The following RBMS3 variants were observed in gnomAD, a reference collection of about 807,000 sequenced individuals.
RBMS3 encodes the protein RNA-binding motif, single-stranded-interacting protein 3.
In RBMS3, 27 loss-of-function variants were observed where a neutral mutation model predicts 66.8. The ratio of observed to expected loss-of-function variants is 0.40; its 90% CI spans 0.30 to 0.56. RBMS3 has a LOEUF of 0.56. RBMS3 is among the 20% of genes least tolerant of loss of function. The pLI is 0.40. For synonymous variants in RBMS3, 188 were observed against 183.0 expected (o/e 1.03, Z -0.22); for missense variants, 513 against 549.5 (o/e 0.93, Z 0.66).
intron 6 of RBMS3, among the ~76,000 whole-genome samples, chr3:29,837,663 C>CAT (rs3070797): frequency 0.039 from 2,637 of 67,052 alleles, 94 homozygotes; most frequent in Non-Finnish European, 0.045. Flanking sequence ...ATATAATGAA[C>CAT]ATATATATAT....
At chr3:29,308,566 T>A (rs1205720467) in intron 1 of RBMS3, among the ~76,000 whole-genome samples, 2 of 151,586 alleles carry the variant, frequency 1.3e-5, no homozygotes, top group South Asian at 2.1e-4. Flanking sequence ...TAAAAAAAAA[T>A]TTAGAGATTA....
intron 1 of RBMS3, among the ~76,000 whole-genome samples, chr3:29,286,464 T>C (rs2032345374): frequency 6.6e-6 from 1 of 152,140 alleles, no homozygotes; most frequent in Admixed American, 6.6e-5. Context: ...GTATTTTCTT[T>C]TCTCCAGAAT....
intron 4 of RBMS3, among the ~76,000 whole-genome samples, chr3:29,629,999 G>A (rs906821262): frequency 2.2e-4 from 33 of 152,164 alleles, no homozygotes; most frequent in African/African-American, 7.9e-4. Context: ...AAAAAGATAG[G>A]ATGTCAGAAA....
intron 6 of RBMS3, among the ~76,000 whole-genome samples, chr3:29,825,037 C>T (rs976716569): frequency 4.0e-5 from 6 of 148,984 alleles, no homozygotes; most frequent in South Asian, 2.1e-4. Context: ...ACTATATCAT[C>T]ATTCTTTTTT....
chr3:29,372,599 T>G (rs1252653886), intron 1 of RBMS3, among the ~76,000 whole-genome samples: 1 of 152,154 alleles, frequency 6.6e-6, no homozygotes, highest in Non-Finnish European at 1.5e-5. Flanking sequence ...TAATTCAACT[T>G]GATTTTTTAA....
chr3:29,604,684 G>T (rs570599094), intron 4 of RBMS3, among the ~76,000 whole-genome samples: 2 of 152,106 alleles, frequency 1.3e-5, no homozygotes, highest in African/African-American at 2.4e-5. Flanking sequence ...TTCAATTAGA[G>T]TTGGAAACCA....
At chr3:29,747,305 G>T (rs959771756) in intron 5 of RBMS3, among the ~76,000 whole-genome samples, 9 of 152,028 alleles carry the variant, frequency 5.9e-5, no homozygotes, top group African/African-American at 2.2e-4. Context: ...CCTCTTACTT[G>T]TGTTCTTGGG....
chr3:29,400,392 T>C (rs530975606), intron 1 of RBMS3, among the ~76,000 whole-genome samples: 102 of 152,024 alleles, frequency 6.7e-4, no homozygotes, highest in Non-Finnish European at 1.1e-3. Context: ...AGACAAAAAG[T>C]AGAAGAGCAG....
At chr3:29,461,811 T>C (rs1164974696) in intron 2 of RBMS3, among the ~76,000 whole-genome samples, 1 of 151,820 alleles carries the variant, frequency 6.6e-6, no homozygotes, top group Admixed American at 6.6e-5. Context: ...TGGACTGCAG[T>C]GGTGCGATCT....
At chr3:29,706,570 C>T in intron 4 of RBMS3, among the ~76,000 whole-genome samples, 1 of 152,164 alleles carries the variant, frequency 6.6e-6, no homozygotes, top group East Asian at 1.9e-4. Flanking sequence ...TGGCAGAACT[C>T]ATAGTATGAA....
chr3:29,712,051 C>T (rs1354661278), intron 4 of RBMS3, among the ~76,000 whole-genome samples: 4 of 152,060 alleles, frequency 2.6e-5, no homozygotes, highest in East Asian at 1.9e-4. Context: ...ATTTTCCCCT[C>T]GAATAAAGCC....
intron 1 of RBMS3, among the ~76,000 whole-genome samples, chr3:29,325,514 A>ATATATG (rs143767201): frequency 1.1e-4 from 16 of 149,700 alleles, no homozygotes; most frequent in South Asian, 2.1e-4. Context: ...ATATATATAT[A>ATATATG]TGTGTGTGTG....
At chr3:29,487,302 A>G (rs17673794) in intron 2 of RBMS3, among the ~76,000 whole-genome samples, 6,288 of 152,238 alleles carry the variant, frequency 0.041, 164 homozygotes, top group Admixed American at 0.096. Flanking sequence ...GCATGAGGTA[A>G]TAGTCATTTT....
intron 1 of RBMS3, among the ~76,000 whole-genome samples, chr3:29,331,282 C>A (rs1206944159): frequency 6.6e-6 from 1 of 152,054 alleles, no homozygotes; most frequent in African/African-American, 2.4e-5. Context: ...CAGAGGACTG[C>A]CTTAGGACAG....
In RBMS3 at chr3:29,614,135, T is replaced by C. The variant is rs796168934; in HGVS notation, c.399+26930T>C. 4.6e-5 allele frequency among the ~76,000 whole-genome samples: 7 copies of C among 152,192 alleles called. 1 individual carries two copies. Among genetic ancestry groups the C allele is most frequent in the African/African-American group, 1.7e-4 (7 of 41,548 alleles). On this transcript the variant is annotated intron_variant, in intron 4 of 14. Transcript: ENST00000383767. ...AGTGTATATACACAGTGGAATACTA[T>C]TCAGCCTTAAAAAAGAAAGGAATCT...
intron 1 of RBMS3, among the ~76,000 whole-genome samples, chr3:29,334,793 C>T (rs2035855158): frequency 6.6e-6 from 1 of 152,136 alleles, no homozygotes; most frequent in Admixed American, 6.5e-5. Flanking sequence ...GTATTGGTAA[C>T]TTAATAAGCT....
chr3:29,404,069 G>T (rs779616038), intron 1 of RBMS3, among the ~76,000 whole-genome samples: 2 of 152,116 alleles, frequency 1.3e-5, no homozygotes, highest in Admixed American at 6.5e-5. Context: ...GTCCAGCAGT[G>T]CTCCTCAGAC....
chr3:29,335,041 C>T (rs2035867518), intron 1 of RBMS3, among the ~76,000 whole-genome samples: 1 of 151,744 alleles, frequency 6.6e-6, no homozygotes, highest in Admixed American at 6.6e-5. Context: ...AGGCATTTTC[C>T]TCCTGACTAT....
At chr3:29,598,352 TA>T (rs2048029594) in intron 4 of RBMS3, among the ~76,000 whole-genome samples, 1 of 152,098 alleles carries the variant, frequency 6.6e-6, no homozygotes, top group African/African-American at 2.4e-5. Flanking sequence ...CCCCATGAAA[TA>T]TGCAAAAATA....
Sources: allele counts gnomAD v4.1 joint callset (sites outside exome capture counted in the v4.1 genomes callset), GRCh38; gene constraint gnomAD v4.1.1; transcripts MANE v1.5; gene names NCBI Gene and HGNC (gene_info 2026-07-23, HGNC 2026-07-21).